NHSL1: variants seen among roughly 807,000 people sequenced by gnomAD.
The protein encoded by NHSL1 is NHS like 1, also known as NHS-like protein 1.
In NHSL1, 48 loss-of-function variants were observed where a neutral mutation model predicts 95.0. The ratio of observed to expected loss-of-function variants is 0.51; its 90% CI spans 0.40 to 0.64. NHSL1 has a LOEUF of 0.64. Ranked by LOEUF, NHSL1 falls within the 30% of genes least tolerant of loss-of-function variation. NHSL1 has a pLI of 0.00. For synonymous variants in NHSL1, 783 were observed against 833.9 expected (o/e 0.94, Z 1.05); for missense variants, 1,971 against 2,077.7 (o/e 0.95, Z 1.00).
chr6:138,571,786 A>G, exon 1 of NHSL1: 1 of 1,552,312 alleles, frequency 6.4e-7, no homozygotes, highest in Non-Finnish European at 8.7e-7. Context: ...AGAGCTCTCC[A>G]TCACTGCGAA....
At chr6:138,604,889 T>TGCTA (rs933724860) in intron 1 of NHSL1, among the ~76,000 whole-genome samples, 122 of 152,288 alleles carry the variant, frequency 8.0e-4, no homozygotes, top group African/African-American at 2.9e-3. Context: ...GACTCCAAAG[T>TGCTA]GCTAGGATTA....
upstream of NHSL1, among the ~76,000 whole-genome samples, chr6:138,550,592 C>T (rs1782965462): frequency 6.6e-6 from 1 of 152,174 alleles, no homozygotes; most frequent in African/African-American, 2.4e-5. Context: ...ATTATCTCTA[C>T]AAGAGGGAGT....
At position 138,570,828 on chromosome 6, in the gene NHSL1, ACG is replaced by A. The variant is rs557737978; in HGVS notation, c.202+880_202+881del. ...TGTGATAAACATGGAAAACACAATC[ACG>A]CGGAAGGTCTGGACTTGATTCCTTT... On this transcript the variant is annotated intron_variant, in intron 1 of 6. Transcript: ENST00000427025. Among the ~76,000 whole-genome samples, 28 of 152,362 alleles carry A rather than the reference ACG, an allele frequency of 1.8e-4. No individual in the cohort carries two copies. The South Asian group carries it at 5.8e-3, about 32-fold the overall frequency.
At chr6:138,497,225 G>A (rs1562327940) in intron 1 of NHSL1, among the ~76,000 whole-genome samples, 1 of 152,142 alleles carries the variant, frequency 6.6e-6, no homozygotes, top group Non-Finnish European at 1.5e-5. Context: ...CATCAGTGGA[G>A]CCCAAAATGA....
chr6:138,614,970 G>A (rs1437457695), intron 1 of NHSL1, among the ~76,000 whole-genome samples: 1 of 132,376 alleles, frequency 7.6e-6, no homozygotes. Flanking sequence ...CCAAGAAACT[G>A]GTCCCTGGTG....
intron 4 of NHSL1, 114 bp downstream of exon 4, chr6:138,446,887 T>A (rs1398358590): frequency 2.2e-6 from 2 of 900,494 alleles, no homozygotes; most frequent in African/African-American, 3.3e-5. Context: ...GAGCATGAAG[T>A]TGGACCACAG....
rs546040455 is a variant in NHSL1, at chr6:138,692,327, G to T, written c.96+149C>A. On this transcript the variant is annotated intron_variant, in intron 1 of 3. Transcript: ENST00000491526. The surrounding 1 kb of genome is among the most constrained non-coding windows in gnomAD (Gnocchi z 4.0). ...GCCCCTGCCACCTGCCCAGCCTCCC[G>T]CTGGGGTCCGGCAGTCCCCACTGGA... 11 of 370,972 alleles carry T rather than the reference G, an allele frequency of 3.0e-5. No individual in the cohort carries two copies. The East Asian group carries it at 7.4e-4, about 25-fold the overall frequency. The allele number at this position is 370,972 out of a possible 1,614,324, so 23.0% of individuals were successfully genotyped here.
intron 1 of NHSL1, among the ~76,000 whole-genome samples, chr6:138,660,653 A>G (rs1413449581): frequency 1.5e-5 from 2 of 136,140 alleles, no homozygotes; most frequent in Non-Finnish European, 3.3e-5. Flanking sequence ...AAAAAAAAAG[A>G]AAAAAAAAAT....
intron 5 of NHSL1, among the ~76,000 whole-genome samples, chr6:138,434,801 A>G (rs1775965866): frequency 6.6e-6 from 1 of 152,076 alleles, no homozygotes; most frequent in South Asian, 2.1e-4. Context: ...TCCCTCTCCC[A>G]ACACATAATC....
intron 1 of NHSL1, among the ~76,000 whole-genome samples, chr6:138,578,046 C>T (rs1245257157): frequency 6.6e-6 from 1 of 152,156 alleles, no homozygotes; most frequent in Non-Finnish European, 1.5e-5. Context: ...TTCAGGTTGC[C>T]CTCAACTACC....
rs116648351 is a variant in NHSL1, at chr6:138,688,282, T to C, written c.96+4194A>G. Among the ~76,000 whole-genome samples, 657 of 152,272 alleles carry C rather than the reference T, an allele frequency of 4.3e-3. 3 individuals are homozygous for C. Among genetic ancestry groups the C allele is most frequent in the African/African-American group, 0.015 (634 of 41,552 alleles). On this transcript the variant is annotated intron_variant, in intron 1 of 3. Transcript: ENST00000491526. ...GTATGCTTTAAGTGGGTGAATTGTA[T>C]GGTGTGTAAATTTTATTTCAACAAA... is the stretch of plus-strand genomic sequence containing the variant.
chr6:138,606,963 G>C (rs7762725), intron 1 of NHSL1, among the ~76,000 whole-genome samples: 3 of 151,930 alleles, frequency 2.0e-5, no homozygotes, highest in Non-Finnish European at 2.9e-5. Flanking sequence ...TCAGCCTCCT[G>C]AAAGTGCTGG....
At chr6:138,584,977 C>T (rs1387244099) in intron 1 of NHSL1, among the ~76,000 whole-genome samples, 1 of 152,220 alleles carries the variant, frequency 6.6e-6, no homozygotes, top group African/African-American at 2.4e-5. Flanking sequence ...GCCTTAACAG[C>T]TGTACTCACC....
intron 1 of NHSL1, among the ~76,000 whole-genome samples, chr6:138,580,067 A>G (rs1784029421): frequency 6.6e-6 from 1 of 152,264 alleles, no homozygotes; most frequent in South Asian, 2.1e-4. Flanking sequence ...AGGAGCATCC[A>G]GGAAGCAAAA....
At chr6:138,525,239 G>GA (rs1222401052) in intron 1 of NHSL1, among the ~76,000 whole-genome samples, 6 of 152,164 alleles carry the variant, frequency 3.9e-5, no homozygotes, top group African/African-American at 1.4e-4. Context: ...TCAAAAACAA[G>GA]AAGGGGCTGA....
At chr6:138,648,145 A>T (rs907145025) in intron 1 of NHSL1, among the ~76,000 whole-genome samples, 1 of 152,202 alleles carries the variant, frequency 6.6e-6, no homozygotes, top group Non-Finnish European at 1.5e-5. Flanking sequence ...TATATATTTT[A>T]CTTTTCCAGA....
intron 1 of NHSL1, among the ~76,000 whole-genome samples, chr6:138,505,096 T>C (rs1450686077): frequency 1.1e-5 from 1 of 93,478 alleles, no homozygotes; most frequent in African/African-American, 5.9e-5. Flanking sequence ...CTACAGCTTC[T>C]AGAACTCAGA....
Position 138,433,419 on chromosome 6 carries a change from C to T in NHSL1, c.926G>A (p.Gly309Glu), listed in dbSNP as rs1775853183. 4 of 1,552,304 alleles carry T rather than the reference C, an allele frequency of 2.6e-6. No individual in the cohort carries two copies. Among genetic ancestry groups the T allele is most frequent in the Non-Finnish European group, 3.5e-6 (4 of 1,147,120 alleles). The stretch of plus-strand genomic sequence containing the variant: ...GTCAAGGCGGGAAGGGAATACGATC[C>T]CTGCAGAATCGCTCAGCACAGACAT... ...GNMSVLSDSA[G>E]IVFPSRLDSD... Residue 309 changes from glycine to glutamate, a missense_variant, in exon 6 of 8, where the codon GGG becomes GAG. Gly to Glu is a moderately conservative substitution (Grantham distance 98, BLOSUM62 -2). This residue lies in a region of NHSL1 where 1,602 missense variants were observed against 1,654.5 expected (regional missense o/e 0.97). Transcript: ENST00000343505.
chr6:138,648,315 G>A (rs1490906436), intron 1 of NHSL1, among the ~76,000 whole-genome samples: 4 of 145,872 alleles, frequency 2.7e-5, no homozygotes, highest in African/African-American at 1.0e-4. Context: ...ATAAATGAAT[G>A]ATCATGGCTA....
Sources: gnomAD v4.1 joint callset for allele counts (sites outside exome capture counted in the v4.1 genomes callset) on GRCh38, gnomAD v4.1.1 for gene constraint, gnomAD v4.1.1 regional missense constraint, Gnocchi (gnomAD v3.1) non-coding constraint, MANE v1.5 for transcripts, NCBI Gene and HGNC (gene_info 2026-07-23, HGNC 2026-07-21) for gene names.